PDE1C: variants seen among roughly 807,000 people sequenced by gnomAD.
The protein encoded by PDE1C is phosphodiesterase 1C, also known as dual specificity calcium/calmodulin-dependent 3',5'-cyclic nucleotide phosphodiesterase 1C.
Under a neutral mutation model 93.1 loss-of-function variants are expected in PDE1C, and 62 were observed. The observed-to-expected ratio is 0.67, with a 90% CI of 0.54 to 0.82. PDE1C has a LOEUF of 0.82. Among genes scored for constraint, PDE1C ranks in the 40% least tolerant of loss-of-function variants. The pLI, the probability that PDE1C is intolerant of heterozygous loss-of-function variation, is 0.00. For missense variants in PDE1C, 742 were observed against 884.6 expected, an observed-to-expected ratio of 0.84 and a Z score of 2.04; for synonymous variants, 325 against 310.1, an observed-to-expected ratio of 1.05 and a Z score of -0.50.
intron 1 of PDE1C, among the ~76,000 whole-genome samples, chr7:32,371,199 A>G (rs989860772): frequency 1.3e-5 from 2 of 151,986 alleles, no homozygotes; most frequent in African/African-American, 4.8e-5. Flanking sequence ...AAAAACAAAA[A>G]CAAAACAAAA....
chr7:32,381,792 G>T (rs1350186528), intron 1 of PDE1C, among the ~76,000 whole-genome samples: 9 of 152,060 alleles, frequency 5.9e-5, no homozygotes, highest in Admixed American at 4.6e-4. Context: ...TTGCATGTTT[G>T]TTTATTATCT....
At chr7:32,025,696 T>C (rs1278715131) in intron 2 of PDE1C, among the ~76,000 whole-genome samples, 1 of 152,130 alleles carries the variant, frequency 6.6e-6, no homozygotes, top group Non-Finnish European at 1.5e-5. Context: ...TAAGATCAGT[T>C]ACTGGCTGGC....
chr7:32,253,196 T>C (rs750302840), intron 1 of PDE1C, among the ~76,000 whole-genome samples: 5 of 152,200 alleles, frequency 3.3e-5, no homozygotes, highest in Admixed American at 6.5e-5. Flanking sequence ...ACATCTATTA[T>C]AAAGTGGAAA....
rs1387694547 is a variant in PDE1C at position 32,173,801 on chromosome 7, G to A, written c.137-3845C>T. On this transcript the variant is annotated intron_variant, in intron 2 of 18. Transcript: ENST00000396193. The stretch of plus-strand genomic sequence containing the variant: ...ATCACCCTGGCTTGTTGTGCCAGAA[G>A]GACAGCTCTGCCAGGAAGACTGAAA... 2.6e-5 allele frequency among the ~76,000 whole-genome samples: 4 copies of A among 152,174 alleles called. No homozygotes were observed. In the East Asian group the frequency reaches 7.7e-4, roughly 29 times the overall value.
At chr7:32,388,476 A>G (rs185320610) in intron 1 of PDE1C, among the ~76,000 whole-genome samples, 2 of 152,166 alleles carry the variant, frequency 1.3e-5, no homozygotes, top group African/African-American at 4.8e-5. Context: ...CAAAAAACCA[A>G]CATACCAGGC....
At chr7:32,427,278 A>G (rs1249488825) in intron 1 of PDE1C, among the ~76,000 whole-genome samples, 1 of 152,186 alleles carries the variant, frequency 6.6e-6, no homozygotes, top group African/African-American at 2.4e-5. Context: ...TCACAGATGA[A>G]AAAACGGAGG....
At chr7:32,035,110 C>G (rs1467059688) in intron 2 of PDE1C, among the ~76,000 whole-genome samples, 2 of 152,108 alleles carry the variant, frequency 1.3e-5, no homozygotes, top group Non-Finnish European at 2.9e-5. Flanking sequence ...TCAAAAGCCA[C>G]CGAAATCCAA....
At chr7:31,642,958 AG>A in the PDE1C span, 1 of 1,614,022 alleles carries the variant, frequency 6.2e-7, no homozygotes, top group Non-Finnish European at 8.5e-7. Flanking sequence ...GACCACCACG[AG>A]GGGAGAATGC....
the PDE1C span, among the ~76,000 whole-genome samples, chr7:31,625,083 A>C: frequency 6.6e-6 from 1 of 152,218 alleles, no homozygotes; most frequent in Non-Finnish European, 1.5e-5. Context: ...ATATCATCTC[A>C]CACCAGTTAG....
intron 2 of PDE1C, among the ~76,000 whole-genome samples, chr7:32,189,826 C>A (rs1001974315): frequency 2.0e-5 from 3 of 152,160 alleles, no homozygotes; most frequent in Non-Finnish European, 4.4e-5. Context: ...CCCAAACTAG[C>A]CTTTGCTGAT....
At chr7:32,082,419 C>T (rs1009073028) in intron 3 of PDE1C, among the ~76,000 whole-genome samples, 2 of 152,230 alleles carry the variant, frequency 1.3e-5, no homozygotes, top group African/African-American at 4.8e-5. Context: ...TCTGTAGGCT[C>T]CACCTCTGGG....
At chr7:32,363,949 C>T (rs906429917) in intron 1 of PDE1C, among the ~76,000 whole-genome samples, 3 of 152,222 alleles carry the variant, frequency 2.0e-5, no homozygotes, top group Non-Finnish European at 4.4e-5. Flanking sequence ...CTATTGACTA[C>T]ATGCTGATAT....
At chr7:31,758,425 A>G (rs1794614183) in intron 17 of PDE1C, among the ~76,000 whole-genome samples, 1 of 152,232 alleles carries the variant, frequency 6.6e-6, no homozygotes, top group Admixed American at 6.5e-5. Flanking sequence ...CACTTCTTAG[A>G]GTACCTATTG....
intron 2 of PDE1C, among the ~76,000 whole-genome samples, chr7:32,038,677 G>A (rs570262724): frequency 1.3e-5 from 2 of 152,154 alleles, no homozygotes; most frequent in East Asian, 3.9e-4. Flanking sequence ...CAGTCTTCTG[G>A]TATAATTATG....
intron 1 of PDE1C, among the ~76,000 whole-genome samples, chr7:32,385,005 A>G (rs147384947): frequency 4.1e-4 from 63 of 152,324 alleles, no homozygotes; most frequent in East Asian, 3.7e-3. Context: ...TACTAGTTGG[A>G]TAAGTGATGA....
At chr7:31,811,016 C>T (rs1787475570) in intron 15 of PDE1C, among the ~76,000 whole-genome samples, 1 of 151,980 alleles carries the variant, frequency 6.6e-6, no homozygotes, top group African/African-American at 2.4e-5. Context: ...TGGGATGGAC[C>T]GTGATATGGT....
the PDE1C span, chr7:31,658,481 A>C: frequency 4.8e-5 from 57 of 1,181,440 alleles, no homozygotes; most frequent in Non-Finnish European, 5.9e-5. Context: ...TTAGAGTATC[A>C]AAGTGGTGCC....
At chr7:31,847,940 A>G (rs766626613) in intron 9 of PDE1C, 28 bp downstream of exon 9, 2 of 1,610,972 alleles carry the variant, frequency 1.2e-6, no homozygotes, top group Non-Finnish European at 8.5e-7. Context: ...TCCCTGGCCT[A>G]CAAATCTCTC....
At chr7:32,205,896 T>C (rs532788436) in intron 2 of PDE1C, among the ~76,000 whole-genome samples, 2 of 152,202 alleles carry the variant, frequency 1.3e-5, no homozygotes, top group East Asian at 3.9e-4. Flanking sequence ...TCCGGACACA[T>C]CTGAAAATCT....
Sources: allele counts gnomAD v4.1 joint callset (sites outside exome capture counted in the v4.1 genomes callset), GRCh38; gene constraint gnomAD v4.1.1; transcripts MANE v1.5; gene names NCBI Gene and HGNC (gene_info 2026-07-23, HGNC 2026-07-21).